CACNA1D: variants seen among roughly 807,000 people sequenced by gnomAD.
CACNA1D encodes the protein voltage-dependent L-type calcium channel subunit alpha-1D.
CACNA1D carries 55 observed loss-of-function variants against 257.1 expected under a neutral mutation model. The ratio of observed to expected loss-of-function variants is 0.21; its 90% confidence interval spans 0.17 to 0.27. CACNA1D has a LOEUF of 0.27. CACNA1D is among the 10% of genes least tolerant of loss of function. The probability of loss-of-function intolerance (pLI) is 1.00; values close to 1 mark genes in which losing one functional copy is unlikely to be tolerated. For synonymous variants in CACNA1D, 980 were observed against 1,014.9 expected (o/e 0.97, Z 0.65); for missense variants, 1,876 against 2,784.0 (o/e 0.67, Z 7.34).
At chr3:53,605,467 C>A (rs1366477208) in intron 3 of CACNA1D, among the ~76,000 whole-genome samples, 1 of 152,190 alleles carries the variant, frequency 6.6e-6, no homozygotes, top group Admixed American at 6.5e-5. Context: ...GCTGTCAAAT[C>A]TGTAATTATA....
intron 40 of CACNA1D, among the ~76,000 whole-genome samples, chr3:53,799,389 T>C (rs969902398): frequency 6.6e-6 from 1 of 152,186 alleles, no homozygotes; most frequent in African/African-American, 2.4e-5. Flanking sequence ...TGGAAGGGCT[T>C]ATCCTGGGCC....
intron 19 of CACNA1D, 104 bp downstream of exon 19, chr3:53,733,066 C>A (rs902247743): frequency 4.4e-6 from 5 of 1,124,624 alleles, no homozygotes; most frequent in Non-Finnish European, 6.6e-6. Context: ...GTTCACAGCC[C>A]TTTCTGAACC....
At chr3:53,730,583 T>A in intron 16 of CACNA1D, 27 bp downstream of exon 16, 1 of 1,517,434 alleles carries the variant, frequency 6.6e-7, no homozygotes, top group East Asian at 2.3e-5. Flanking sequence ...CTGACGTGTT[T>A]GTCCAGGGGC....
chr3:53,692,407 T>C (rs2094536862), intron 8 of CACNA1D, among the ~76,000 whole-genome samples: 1 of 152,036 alleles, frequency 6.6e-6, no homozygotes, highest in Non-Finnish European at 1.5e-5. Flanking sequence ...AGTGGCCTGG[T>C]GTTGAAAGAG....
chr3:53,661,529 GA>G (rs1230878210), intron 5 of CACNA1D, among the ~76,000 whole-genome samples: 36 of 152,340 alleles, frequency 2.4e-4, no homozygotes, highest in African/African-American at 7.7e-4. Context: ...ACGATTAAAT[GA>G]GAAGTTCAGT....
chr3:53,682,387 A>AAAAAAAAAAAAAAAAAAAAC (rs2094440174), intron 8 of CACNA1D, among the ~76,000 whole-genome samples: 1 of 146,644 alleles, frequency 6.8e-6, no homozygotes, highest in East Asian at 2.0e-4. Context: ...AAAAAAAAAA[A>AAAAAAAAAAAAAAAAAAAAC]AAAAAAAAAC....
chr3:53,719,735 A>G lies in CACNA1D; in HGVS notation c.1479-20A>G. On this transcript the variant is annotated intron_variant, in intron 10 of 47. Transcript: ENST00000350061. The stretch of plus-strand genomic sequence containing the variant: ...AAGCCCTCGGAACCAGAATCTTAAC[A>G]CTTTTTGTCTTTCTTTCAGTCAAGC... 1 of 1,612,336 alleles carries G rather than the reference A, an allele frequency of 6.2e-7. No homozygotes were observed. The highest frequency in any genetic ancestry group is 2.2e-5 in the East Asian group (1 of 44,866).
At chr3:53,802,217 A>G (rs2095539838) in intron 43 of CACNA1D, 44 bp downstream of exon 43, 2 of 1,474,330 alleles carry the variant, frequency 1.4e-6, no homozygotes, top group Non-Finnish European at 1.9e-6. Flanking sequence ...CTGTGATGGT[A>G]TGTTACCAGC....
At chr3:53,801,558 G>C in intron 42 of CACNA1D, 133 bp downstream of exon 42, 1 of 1,170,482 alleles carries the variant, frequency 8.5e-7, no homozygotes, top group Non-Finnish European at 1.3e-6. Context: ...TTTGTGTCAG[G>C]ATCTGTGAGT....
intron 19 of CACNA1D, among the ~76,000 whole-genome samples, chr3:53,734,173 T>C (rs897834458): frequency 6.6e-6 from 1 of 151,028 alleles, no homozygotes; most frequent in Non-Finnish European, 1.5e-5. Context: ...ACGCCCAGCA[T>C]TAAATAGGCC....
intron 8 of CACNA1D, among the ~76,000 whole-genome samples, chr3:53,691,887 A>G (rs7630105): frequency 7.1e-5 from 4 of 56,602 alleles, no homozygotes; most frequent in Middle Eastern, 3.9e-3. Flanking sequence ...TATAATATAT[A>G]TTATATATAT....
chr3:53,553,378 T>G lies in CACNA1D; in HGVS notation c.483+51658T>G, dbSNP rs570955228. On this transcript the variant is annotated intron_variant, in intron 3 of 47. Coordinates refer to ENST00000350061, the MANE Select transcript of CACNA1D (RefSeq NM_001128840.3). The stretch of plus-strand genomic sequence containing the variant: ...CCTCCCTGCCTGCCTGCACAGTCTT[T>G]AAGAGCACTGTTGCTCTCCTCCTGT... 3.3e-5 allele frequency among the ~76,000 whole-genome samples: 5 copies of G among 152,220 alleles called. No individual in the cohort carries two copies. The East Asian group carries it at 9.6e-4, about 29-fold the overall frequency.
At chr3:53,601,534 C>T (rs996693024) in intron 3 of CACNA1D, among the ~76,000 whole-genome samples, 9 of 152,114 alleles carry the variant, frequency 5.9e-5, no homozygotes, top group East Asian at 1.9e-4. Flanking sequence ...TTTTGAGTAG[C>T]GGAAAAGAGC....
chr3:53,513,925 A>G (rs539141618), intron 3 of CACNA1D, among the ~76,000 whole-genome samples: 1 of 152,332 alleles, frequency 6.6e-6, no homozygotes, highest in East Asian at 1.9e-4. Context: ...AGGCGATCCC[A>G]TATAACCTAG....
intron 3 of CACNA1D, among the ~76,000 whole-genome samples, chr3:53,560,881 G>T (rs777337083): frequency 6.6e-5 from 10 of 152,144 alleles, no homozygotes; most frequent in Non-Finnish European, 5.9e-5. Flanking sequence ...CCTCTTGATT[G>T]AAATTTTCTG....
Position 53,650,865 on chromosome 3 carries a change from T to C in CACNA1D, c.570T>C (p.Asn190=), listed in dbSNP as rs547551208. Residue 190 remains asparagine, a synonymous_variant, in exon 4 of 48, where the codon AAT becomes AAC. Coordinates refer to ENST00000350061, the MANE Select transcript of CACNA1D (RefSeq NM_001128840.3). ...CGTATGGATTATTGCTACATCCTAA[T>C]GCTTATGTTAGGAATGGATGGAATT... ...IIAYGLLLHP[N]AYVRNGWNLL... 10 of 1,606,246 alleles carry C rather than the reference T, an allele frequency of 6.2e-6. 1 individual carries two copies. In the African/African-American group the frequency reaches 1.3e-4, roughly 21 times the overall value.
chr3:53,810,046 G>C lies in CACNA1D; in HGVS notation c.5940G>C (p.Ser1980=), dbSNP rs767458712. ...QKYSPSHSTR[S]WATPPATPPY... ...ACTCACCGAGTCACTCGACCCGGTCGTGGGCCACCCCTCCAGCAACCCCTC... is the reference window on the plus strand; with the variant it reads ...ACTCACCGAGTCACTCGACCCGGTCCTGGGCCACCCCTCCAGCAACCCCTC... The change falls in exon 47 of 48, where the codon TCG becomes TCC. Residue 1980 remains serine, a synonymous_variant. Coordinates refer to ENST00000350061, the MANE Select transcript of CACNA1D (RefSeq NM_001128840.3). 7.9e-5 allele frequency: 128 copies of C among 1,613,758 alleles called. 4 individuals carry two copies. The South Asian group carries it at 9.0e-4, about 11-fold the overall frequency.
At chr3:53,783,985 T>G (rs1231492787) in intron 39 of CACNA1D, among the ~76,000 whole-genome samples, 1 of 152,182 alleles carries the variant, frequency 6.6e-6, no homozygotes, top group Admixed American at 6.5e-5. Context: ...CTTTTAGCCC[T>G]GGTGATAGAA....
At chr3:53,747,504 G>C in intron 26 of CACNA1D, 56 bp downstream of exon 26, 1 of 1,570,376 alleles carries the variant, frequency 6.4e-7, no homozygotes, top group Non-Finnish European at 8.8e-7. Context: ...CCAGGGCTGA[G>C]CCCTCCCTCC....
Sources: gnomAD v4.1 joint callset for allele counts (sites outside exome capture counted in the v4.1 genomes callset) on GRCh38, gnomAD v4.1.1 for gene constraint, MANE v1.5 for transcripts, NCBI Gene and HGNC (gene_info 2026-07-23, HGNC 2026-07-21) for gene names.